ZFAT: variants seen among roughly 807,000 people sequenced by gnomAD.
The protein encoded by ZFAT is zinc finger protein ZFAT.
ZFAT carries 64 observed loss-of-function variants against 117.7 expected under a neutral mutation model. The ratio of observed to expected loss-of-function variants is 0.54; its 90% confidence interval spans 0.44 to 0.67. The LOEUF (loss-of-function observed/expected upper bound fraction) is 0.67, where lower values mean the gene tolerates loss of function less well. ZFAT is among the 30% of genes least tolerant of loss of function. The pLI is 0.00. For missense variants in ZFAT, 1,433 were observed against 1,584.5 expected (o/e 0.90, Z 1.62); for synonymous variants, 679 against 615.0 (o/e 1.10, Z -1.54).
the ZFAT span, among the ~76,000 whole-genome samples, chr8:134,824,039 A>C: frequency 1.3e-5 from 2 of 152,266 alleles, no homozygotes; most frequent in Non-Finnish European, 2.9e-5. Context: ...CTGAATAAAC[A>C]CCAAGTAGTA....
chr8:134,786,729 CA>C, the ZFAT span, among the ~76,000 whole-genome samples: 14 of 151,778 alleles, frequency 9.2e-5, no homozygotes, highest in East Asian at 1.9e-4. Context: ...CAACACTAAT[CA>C]AAAAATATCT....
intron 1 of ZFAT, among the ~76,000 whole-genome samples, chr8:134,669,249 G>A (rs1586923499): frequency 6.6e-6 from 1 of 152,172 alleles, no homozygotes; most frequent in Non-Finnish European, 1.5e-5. Flanking sequence ...GAAATACAGA[G>A]AATGCCACAA....
At chr8:134,518,208 C>T (rs1435860799) in intron 13 of ZFAT, among the ~76,000 whole-genome samples, 1 of 152,102 alleles carries the variant, frequency 6.6e-6, no homozygotes, top group Non-Finnish European at 1.5e-5. Context: ...ATGCATAGTT[C>T]CTTCTCCCAC....
chr8:134,581,127 A>G lies in ZFAT; in HGVS notation c.2887+2705T>C, dbSNP rs573136321. 1.8e-4 allele frequency among the ~76,000 whole-genome samples: 27 copies of G among 152,240 alleles called. No homozygotes were observed. The South Asian group carries it at 5.4e-3, about 30-fold the overall frequency. On this transcript the variant is annotated intron_variant, in intron 10 of 15. Transcript: ENST00000377838. ...TAAATAAACTTTTTTCAAAGTTTCTATAATAGACATGTTATGGGAGAAAAT... is the reference window on the plus strand; with the variant it reads ...TAAATAAACTTTTTTCAAAGTTTCTGTAATAGACATGTTATGGGAGAAAAT...
chr8:134,567,450 ACCATCCAT>A (rs35445440), intron 10 of ZFAT, among the ~76,000 whole-genome samples: 6,567 of 145,584 alleles, frequency 0.045, 199 homozygotes, highest in African/African-American at 0.094. Context: ...AACCCTACCA[ACCATCCAT>A]CCATCCATCC....
chr8:134,819,939 G>C, the ZFAT span, among the ~76,000 whole-genome samples: 1 of 152,060 alleles, frequency 6.6e-6, no homozygotes, highest in Non-Finnish European at 1.5e-5. Context: ...TGCAGAGTGA[G>C]AAGCACACAT....
At chr8:134,794,894 A>G in the ZFAT span, 1 of 152,248 alleles carries the variant, frequency 6.6e-6, no homozygotes, top group Non-Finnish European at 1.5e-5. Context: ...AGCACTTACT[A>G]AACAACTTTG....
At chr8:134,655,506 G>A (rs974153547) in intron 2 of ZFAT, among the ~76,000 whole-genome samples, 1 of 152,046 alleles carries the variant, frequency 6.6e-6, no homozygotes, top group Non-Finnish European at 1.5e-5. Flanking sequence ...AAATTAGGTG[G>A]GTGTGGTGGC....
the ZFAT span, among the ~76,000 whole-genome samples, chr8:134,735,326 A>C: frequency 2.0e-5 from 3 of 152,194 alleles, no homozygotes; most frequent in Non-Finnish European, 4.4e-5. Context: ...TCCTCCCAAG[A>C]GTCACTGAAG....
At chr8:134,555,241 G>A (rs1041302509) in intron 11 of ZFAT, among the ~76,000 whole-genome samples, 5 of 151,340 alleles carry the variant, frequency 3.3e-5, no homozygotes, top group East Asian at 1.9e-4. Flanking sequence ...AGAGATGCTC[G>A]TTAGAGACTT....
At chr8:134,776,190 G>A in the ZFAT span, among the ~76,000 whole-genome samples, 1 of 152,238 alleles carries the variant, frequency 6.6e-6, no homozygotes, top group Non-Finnish European at 1.5e-5. Context: ...TTGTAGACAG[G>A]GAAAATGAGG....
intron 11 of ZFAT, among the ~76,000 whole-genome samples, chr8:134,555,498 T>C (rs1823509178): frequency 6.6e-6 from 1 of 152,238 alleles, no homozygotes; most frequent in Admixed American, 6.5e-5. Context: ...AAGCCTGCTA[T>C]ATTAACTCTT....
intron 11 of ZFAT, among the ~76,000 whole-genome samples, chr8:134,556,409 G>A (rs960684562): frequency 6.6e-6 from 1 of 151,828 alleles, no homozygotes; most frequent in African/African-American, 2.4e-5. Context: ...TGAAGCAGAA[G>A]GAAGAAAGAG....
At position 134,666,641 on chromosome 8, in the gene ZFAT, C is replaced by G. The variant is rs1586918812; in HGVS notation, c.20-8904G>C. Among the ~76,000 whole-genome samples, 7 of 152,096 alleles carry G rather than the reference C, an allele frequency of 4.6e-5. 1 individual carries two copies. Among genetic ancestry groups the G allele is most frequent in the Admixed American group, 4.6e-4 (7 of 15,276 alleles). On this transcript the variant is annotated intron_variant, in intron 1 of 15. Transcript: ENST00000377838. ...AGAGAAAACCCAAATAAAAATTTTACAACAGAAAAATACAGCAAGAACAAA... is the reference window on the plus strand; with the variant it reads ...AGAGAAAACCCAAATAAAAATTTTAGAACAGAAAAATACAGCAAGAACAAA...
chr8:134,804,177 C>T, the ZFAT span, among the ~76,000 whole-genome samples: 1 of 152,118 alleles, frequency 6.6e-6, no homozygotes, highest in East Asian at 1.9e-4. Context: ...AAAATAGATA[C>T]AATACAGCTG....
At chr8:134,820,904 CT>C in the ZFAT span, among the ~76,000 whole-genome samples, 1 of 152,188 alleles carries the variant, frequency 6.6e-6, no homozygotes, top group Non-Finnish European at 1.5e-5. Flanking sequence ...TGTCTCGCCC[CT>C]GACACACCAG....
At chr8:134,776,229 G>A in the ZFAT span, among the ~76,000 whole-genome samples, 1 of 152,288 alleles carries the variant, frequency 6.6e-6, no homozygotes, top group East Asian at 1.9e-4. Context: ...TCTAATTCCA[G>A]CTTCTGTGAT....
the ZFAT span, among the ~76,000 whole-genome samples, chr8:134,719,960 T>C: frequency 2.0e-5 from 3 of 152,204 alleles, no homozygotes; most frequent in Non-Finnish European, 4.4e-5. Context: ...GACACTGACT[T>C]TGGGATTGAC....
At chr8:134,644,556 TCA>T (rs1311485794) in intron 2 of ZFAT, among the ~76,000 whole-genome samples, 1 of 149,796 alleles carries the variant, frequency 6.7e-6, no homozygotes, top group Non-Finnish European at 1.5e-5. Flanking sequence ...ACATGCACAC[TCA>T]CACACGTACA....
Sources: gnomAD v4.1 joint callset for allele counts (sites outside exome capture counted in the v4.1 genomes callset) on GRCh38, gnomAD v4.1.1 for gene constraint, MANE v1.5 for transcripts, NCBI Gene and HGNC (gene_info 2026-07-23, HGNC 2026-07-21) for gene names.